Variants in RSPO2 observed in about 807,000 individuals in gnomAD.
RSPO2 encodes the protein R-spondin 2.
RSPO2 carries 14 observed loss-of-function variants against 30.9 expected under a neutral mutation model. The observed-to-expected ratio is 0.45, with a 90% CI of 0.30 to 0.71. RSPO2 has a LOEUF of 0.71. RSPO2 is among the 30% of genes least tolerant of loss of function. RSPO2 has a pLI of 0.08. For synonymous variants in RSPO2, 107 were observed against 96.4 expected (o/e 1.11, Z -0.64); for missense variants, 264 against 301.9 (o/e 0.87, Z 0.93).
chr8:108,062,625 TC>T (rs1812507487), intron 2 of RSPO2, among the ~76,000 whole-genome samples: 1 of 151,818 alleles, frequency 6.6e-6, no homozygotes, highest in Non-Finnish European at 1.5e-5. Context: ...TTGGTACCAT[TC>T]CTTCTGAAAC....
intron 2 of RSPO2, among the ~76,000 whole-genome samples, chr8:108,071,678 A>ATC (rs930610852): frequency 6.6e-6 from 1 of 152,162 alleles, no homozygotes; most frequent in African/African-American, 2.4e-5. Context: ...ACTTCCTCAT[A>ATC]TCTCCTTAGA....
chr8:108,076,344 A>T (rs1405584723), intron 2 of RSPO2, among the ~76,000 whole-genome samples: 1 of 152,218 alleles, frequency 6.6e-6, no homozygotes, highest in Non-Finnish European at 1.5e-5. Flanking sequence ...GTTTATTAGC[A>T]GAGAAGTAAT....
At chr8:108,007,336 A>T (rs779988930) in intron 2 of RSPO2, among the ~76,000 whole-genome samples, 6 of 152,138 alleles carry the variant, frequency 3.9e-5, no homozygotes, top group Non-Finnish European at 7.3e-5. Flanking sequence ...TCAGACAGAG[A>T]TCATCACCAT....
At chr8:107,995,997 G>T (rs1302294561) in intron 2 of RSPO2, among the ~76,000 whole-genome samples, 1 of 152,126 alleles carries the variant, frequency 6.6e-6, no homozygotes, top group Admixed American at 6.6e-5. Context: ...TTTTCCAGCT[G>T]CCTTCTGAAG....
intron 3 of RSPO2, chr8:107,983,770 C>A (rs1814531644): frequency 3.1e-6 from 5 of 1,598,688 alleles, no homozygotes; most frequent in Admixed American, 3.4e-5. Context: ...GATGTAGATG[C>A]TGATTTTGTA....
intron 2 of RSPO2, among the ~76,000 whole-genome samples, chr8:108,022,108 A>G (rs1234993309): frequency 6.6e-6 from 1 of 152,126 alleles, no homozygotes; most frequent in African/African-American, 2.4e-5. Flanking sequence ...TCCCTCCAGT[A>G]TGTGCTTTAG....
chr8:108,062,473 C>A (rs1812502447), intron 2 of RSPO2, among the ~76,000 whole-genome samples: 1 of 151,744 alleles, frequency 6.6e-6, no homozygotes, highest in Non-Finnish European at 1.5e-5. Flanking sequence ...TACACCCTCC[C>A]AAGACTAAAC....
chr8:107,986,695 A>G (rs1296931286), intron 3 of RSPO2, among the ~76,000 whole-genome samples: 1 of 152,158 alleles, frequency 6.6e-6, no homozygotes, highest in Non-Finnish European at 1.5e-5. Flanking sequence ...TTGTCCATAT[A>G]AGTACATACA....
At chr8:108,026,595 G>A (rs548085751) in intron 2 of RSPO2, among the ~76,000 whole-genome samples, 25 of 152,176 alleles carry the variant, frequency 1.6e-4, no homozygotes, top group Admixed American at 2.6e-4. Flanking sequence ...GGCCAGGAGC[G>A]GTGGCTCATG....
chr8:108,053,022 AG>A (rs1554585690), intron 2 of RSPO2, among the ~76,000 whole-genome samples: 1 of 152,136 alleles, frequency 6.6e-6, no homozygotes, highest in Non-Finnish European at 1.5e-5. Context: ...TAACCTAGGT[AG>A]GGTATTATTT....
At chr8:107,952,364 A>C (rs986072621) in intron 5 of RSPO2, among the ~76,000 whole-genome samples, 1 of 151,836 alleles carries the variant, frequency 6.6e-6, no homozygotes, top group Non-Finnish European at 1.5e-5. Flanking sequence ...AAAATAGTAT[A>C]ACTTGCTTAA....
intron 2 of RSPO2, among the ~76,000 whole-genome samples, chr8:108,062,225 CA>C (rs533068025): frequency 2.6e-5 from 4 of 151,522 alleles, no homozygotes; most frequent in African/African-American, 9.8e-5. Flanking sequence ...AAAAACCCTT[CA>C]AAAAAATCAA....
chr8:107,993,880 G>T (rs146278589), intron 2 of RSPO2, among the ~76,000 whole-genome samples: 2 of 152,122 alleles, frequency 1.3e-5, no homozygotes, highest in Non-Finnish European at 2.9e-5. Flanking sequence ...TTGTATCTCT[G>T]TGTCTTTTTC....
chr8:107,903,558 A>C (rs1164636090), intron 5 of RSPO2, among the ~76,000 whole-genome samples: 1 of 152,130 alleles, frequency 6.6e-6, no homozygotes, highest in African/African-American at 2.4e-5. Flanking sequence ...AAGTTACTCA[A>C]TACTTGCATA....
At chr8:108,011,047 C>T (rs1810688000) in intron 2 of RSPO2, among the ~76,000 whole-genome samples, 1 of 149,630 alleles carries the variant, frequency 6.7e-6, no homozygotes, top group African/African-American at 2.5e-5. Flanking sequence ...GTGGGAGGAT[C>T]CCTTGAGCCC....
At chr8:107,922,225 C>T (rs960604714) in intron 5 of RSPO2, among the ~76,000 whole-genome samples, 2 of 152,132 alleles carry the variant, frequency 1.3e-5, no homozygotes, top group Non-Finnish European at 2.9e-5. Flanking sequence ...CCTAAAGCTC[C>T]TTCACCTGAT....
intron 2 of RSPO2, among the ~76,000 whole-genome samples, chr8:108,051,040 G>T (rs999298154): frequency 2.6e-5 from 4 of 152,146 alleles, no homozygotes; most frequent in African/African-American, 9.7e-5. Context: ...CCATGTGTAA[G>T]GATGTATGCA....
intron 2 of RSPO2, among the ~76,000 whole-genome samples, chr8:108,025,259 C>A (rs1342232294): frequency 2.0e-5 from 3 of 152,076 alleles, no homozygotes; most frequent in Non-Finnish European, 4.4e-5. Context: ...AAAAGGAGCT[C>A]CTTGGAGAAA....
Position 107,954,847 on chromosome 8 carries a change from G to A in RSPO2, c.616+3233C>T, listed in dbSNP as rs373661034. On this transcript the variant is annotated intron_variant, in intron 5 of 5. Coordinates refer to ENST00000276659, the MANE Select transcript of RSPO2 (RefSeq NM_178565.5). ...GATGGTCTCGATTTATTGACCTCTTGATCTGCCTGTCTTGGCCTCCCAAAA... is the reference window on the plus strand; with the variant it reads ...GATGGTCTCGATTTATTGACCTCTTAATCTGCCTGTCTTGGCCTCCCAAAA... Among the ~76,000 whole-genome samples the A allele has an allele frequency of 2.6e-4, 40 of 152,082 alleles. 1 individual carries two copies. The South Asian group carries it at 8.3e-3, about 32-fold the overall frequency.
Sources: gnomAD v4.1 joint callset for allele counts (sites outside exome capture counted in the v4.1 genomes callset) on GRCh38, gnomAD v4.1.1 for gene constraint, MANE v1.5 for transcripts, NCBI Gene and HGNC (gene_info 2026-07-23, HGNC 2026-07-21) for gene names.